E2F3: variants seen among roughly 807,000 people sequenced by gnomAD.
The protein encoded by E2F3 is transcription factor E2F3.
A neutral mutation model predicts 44.4 loss-of-function variants in E2F3; 11 were observed. That is an observed-to-expected ratio of 0.25 (90% CI 0.16 to 0.41). E2F3 has a LOEUF of 0.41. E2F3 is among the 10% of genes least tolerant of loss of function. E2F3 has a pLI of 1.00. For missense variants in E2F3, 487 were observed against 583.6 expected (o/e 0.83, Z 1.70); for synonymous variants, 249 against 253.0 (o/e 0.98, Z 0.15).
chr6:20,469,670 A>C (rs78686440), intron 1 of E2F3, among the ~76,000 whole-genome samples: 5,658 of 152,254 alleles, frequency 0.037, 151 homozygotes, highest in Non-Finnish European at 0.053. Flanking sequence ...GTTATAGTGA[A>C]ATTAAAATAT....
chr6:20,479,513 CT>C (rs2127619967), intron 1 of E2F3, among the ~76,000 whole-genome samples: 1 of 152,342 alleles, frequency 6.6e-6, no homozygotes, highest in African/African-American at 2.4e-5. Context: ...CCCACGGCGC[CT>C]GTGATATTCT....
intron 1 of E2F3, among the ~76,000 whole-genome samples, chr6:20,454,562 C>T (rs1761246543): frequency 6.6e-6 from 1 of 152,140 alleles, no homozygotes; most frequent in Non-Finnish European, 1.5e-5. Context: ...ACTAGAACAC[C>T]TTACATCCAG....
At chr6:20,443,991 T>C (rs1051743608) in intron 1 of E2F3, among the ~76,000 whole-genome samples, 1 of 152,078 alleles carries the variant, frequency 6.6e-6, no homozygotes, top group African/African-American at 2.4e-5. Context: ...GTGGGAGGAT[T>C]ACTGAAGCCC....
At chr6:20,426,884 A>G (rs1479365036) in intron 1 of E2F3, among the ~76,000 whole-genome samples, 1 of 152,130 alleles carries the variant, frequency 6.6e-6, no homozygotes, top group Non-Finnish European at 1.5e-5. Context: ...CTGTAGCTCC[A>G]CTGTGCTGAT....
intron 1 of E2F3, among the ~76,000 whole-genome samples, chr6:20,464,222 T>A (rs186310749): frequency 1.3e-5 from 2 of 152,334 alleles, no homozygotes; most frequent in African/African-American, 4.8e-5. Flanking sequence ...GGTGATCAGA[T>A]GGGCTGTTGT....
At chr6:20,485,964 A>AT (rs968428804) in intron 4 of E2F3, among the ~76,000 whole-genome samples, 9 of 151,304 alleles carry the variant, frequency 5.9e-5, no homozygotes, top group East Asian at 1.9e-4. Flanking sequence ...TAGAGATTAC[A>AT]TTTTTTTTTC....
intron 1 of E2F3, among the ~76,000 whole-genome samples, chr6:20,409,798 A>G (rs1759608510): frequency 6.6e-6 from 1 of 152,202 alleles, no homozygotes; most frequent in Admixed American, 6.5e-5. Flanking sequence ...AGTGAAACAT[A>G]ATCTAACGTG....
rs147303834 is a variant in E2F3, at chr6:20,452,366, T to C, written c.394-27480T>C. ...TTGCCCTTTCAGTGGACTATTTTTG[T>C]TTTTTTAAATGGAATGCTTCACAAA... On this transcript the variant is annotated intron_variant, in intron 1 of 6. Coordinates refer to ENST00000346618, the MANE Select transcript of E2F3 (RefSeq NM_001949.5). 4 of 152,222 alleles carry C rather than the reference T, an allele frequency of 2.6e-5. No homozygotes were observed. The East Asian group carries it at 7.7e-4, about 29-fold the overall frequency. 9.4% of individuals were successfully genotyped at this position (152,222 alleles called of 1,614,324 possible). A position where few individuals can be genotyped will look rare whatever the true frequency, so the allele number is the denominator to read the frequency against.
At position 20,478,464 on chromosome 6, in the gene E2F3, C is replaced by T. The variant is rs564338247; in HGVS notation, c.394-1382C>T. Among the ~76,000 whole-genome samples, 5 of 152,260 alleles carry T rather than the reference C, an allele frequency of 3.3e-5. No homozygotes were observed. In the South Asian group the frequency reaches 1.0e-3, roughly 32 times the overall value. ...CATAGAGGGGCTGAATATCTAGCTT[C>T]CGCTGATAAGTTATTACTTACGTTT... On this transcript the variant is annotated intron_variant, in intron 1 of 6. Transcript: ENST00000346618.
chr6:20,460,000 G>A (rs1761444820), intron 1 of E2F3, among the ~76,000 whole-genome samples: 1 of 152,176 alleles, frequency 6.6e-6, no homozygotes, highest in Non-Finnish European at 1.5e-5. Flanking sequence ...TTATAGAAAT[G>A]GGCAATAATC....
chr6:20,438,070 A>G (rs1222626055), intron 1 of E2F3: 3 of 152,162 alleles, frequency 2.0e-5, no homozygotes, highest in Non-Finnish European at 4.4e-5. Flanking sequence ...AGGGCACCAA[A>G]CTTGTGATCT....
At chr6:20,443,155 A>T (rs1480351226) in intron 1 of E2F3, among the ~76,000 whole-genome samples, 1 of 152,138 alleles carries the variant, frequency 6.6e-6, no homozygotes, top group East Asian at 1.9e-4. Context: ...GACAAGAGGG[A>T]TGCAGGGGTC....
intron 1 of E2F3, among the ~76,000 whole-genome samples, chr6:20,473,432 GAAAAT>G (rs1457773121): frequency 1.3e-4 from 20 of 152,122 alleles, no homozygotes; most frequent in African/African-American, 2.4e-4. Flanking sequence ...AGGGTGTTGT[GAAAAT>G]AAGATAACAA....
At chr6:20,436,101 C>T (rs1356160038) in intron 1 of E2F3, among the ~76,000 whole-genome samples, 1 of 151,882 alleles carries the variant, frequency 6.6e-6, no homozygotes, top group Non-Finnish European at 1.5e-5. Context: ...CTGCCTCAGC[C>T]TCCCGAGTAG....
chr6:20,403,790 C>T (rs1759395221), intron 1 of E2F3: 2 of 1,499,172 alleles, frequency 1.3e-6, no homozygotes, highest in Non-Finnish European at 1.8e-6. Context: ...CCCCACCTCC[C>T]CCCGGAGCCA....
intron 1 of E2F3, among the ~76,000 whole-genome samples, chr6:20,469,023 G>A (rs1471920083): frequency 3.3e-5 from 5 of 152,174 alleles, no homozygotes; most frequent in African/African-American, 1.2e-4. Context: ...AGGAGGAAAA[G>A]TGGAGATTTG....
Position 20,402,924 on chromosome 6 carries a change from C to T in E2F3, c.393+299C>T, listed in dbSNP as rs1479415381. ...CTTTTCCTGCACTTTTCCCTACCCC[C>T]ACTCTCCCTTCCCCTCCAACTCGAA... On this transcript the variant is annotated intron_variant, in intron 1 of 6. Coordinates refer to ENST00000346618, the MANE Select transcript of E2F3 (RefSeq NM_001949.5). The surrounding 1 kb of genome is among the most constrained non-coding windows in gnomAD (Gnocchi z 5.6). Among the ~76,000 whole-genome samples, 1 of 152,178 alleles carries T rather than the reference C, an allele frequency of 6.6e-6. No homozygotes were observed. Among genetic ancestry groups the T allele is most frequent in the Admixed American group, 6.5e-5 (1 of 15,290 alleles).
At chr6:20,485,395 A>T (rs1243524984) in intron 4 of E2F3, among the ~76,000 whole-genome samples, 1 of 152,092 alleles carries the variant, frequency 6.6e-6, no homozygotes, top group Non-Finnish European at 1.5e-5. Context: ...CCTGGGCAAC[A>T]GGGTAAAACC....
chr6:20,465,843 GTTGA>G (rs1281102316), intron 1 of E2F3, among the ~76,000 whole-genome samples: 1 of 152,044 alleles, frequency 6.6e-6, no homozygotes, highest in Non-Finnish European at 1.5e-5. Context: ...TTATCCACTT[GTTGA>G]TTGATGGGCA....
Sources: gnomAD v4.1 joint callset for allele counts (sites outside exome capture counted in the v4.1 genomes callset) on GRCh38, gnomAD v4.1.1 for gene constraint, Gnocchi (gnomAD v3.1) non-coding constraint, MANE v1.5 for transcripts, NCBI Gene and HGNC (gene_info 2026-07-23, HGNC 2026-07-21) for gene names.